RASAL2: variants seen among roughly 807,000 people sequenced by gnomAD.
The protein encoded by RASAL2 is ras GTPase-activating protein nGAP.
RASAL2 carries 58 observed loss-of-function variants against 128.9 expected under a neutral mutation model. That is an observed-to-expected ratio of 0.45 (90% CI 0.36 to 0.56). The LOEUF is 0.56. Ranked by LOEUF, RASAL2 falls within the 20% of genes least tolerant of loss-of-function variation. RASAL2 has a pLI of 0.00. For synonymous variants in RASAL2, 561 were observed against 580.8 expected (o/e 0.97, Z 0.49); for missense variants, 1,360 against 1,601.6 (o/e 0.85, Z 2.57).
chr1:178,257,317 C>T (rs955651463), intron 1 of RASAL2, among the ~76,000 whole-genome samples: 2 of 151,882 alleles, frequency 1.3e-5, no homozygotes, highest in Non-Finnish European at 2.9e-5. Flanking sequence ...CCAGAATAGC[C>T]ACAACAATCA....
chr1:178,219,396 C>G (rs1394688038), intron 1 of RASAL2, among the ~76,000 whole-genome samples: 2 of 151,866 alleles, frequency 1.3e-5, no homozygotes, highest in Admixed American at 1.3e-4. Flanking sequence ...ACCTGTAATC[C>G]CAGCACTTTG....
At chr1:178,419,257 T>G (rs1674976147) in intron 4 of RASAL2, among the ~76,000 whole-genome samples, 1 of 152,150 alleles carries the variant, frequency 6.6e-6, no homozygotes, top group African/African-American at 2.4e-5. Context: ...AATCTTTGCT[T>G]GAAAAATTTT....
chr1:178,371,821 T>C lies in RASAL2; in HGVS notation c.458-18279T>C, dbSNP rs76641067. Among the ~76,000 whole-genome samples, 824 of 152,360 alleles carry C rather than the reference T, an allele frequency of 5.4e-3. 5 individuals are homozygous for C. Among genetic ancestry groups the C allele is most frequent in the Non-Finnish European group, 8.6e-3 (588 of 68,024 alleles). The stretch of plus-strand genomic sequence containing the variant: ...TTACTTAACTGATTAGCTATTGTGC[T>C]GTCTGGTTATCTAAGCTGCTTCCAG... On this transcript the variant is annotated intron_variant, in intron 3 of 17. Transcript: ENST00000367649.
At chr1:178,230,484 A>C (rs1004707380) in intron 1 of RASAL2, among the ~76,000 whole-genome samples, 1 of 152,164 alleles carries the variant, frequency 6.6e-6, no homozygotes, top group African/African-American at 2.4e-5. Flanking sequence ...AGTGTGAGCC[A>C]TTCTAGTGGA....
chr1:178,470,963 T>C (rs1648208412), intron 17 of RASAL2, among the ~76,000 whole-genome samples: 2 of 152,218 alleles, frequency 1.3e-5, no homozygotes, highest in Non-Finnish European at 1.5e-5. Flanking sequence ...TGTTTTATTT[T>C]GAGAGGTTGG....
intron 3 of RASAL2, chr1:178,372,111 C>T: frequency 1.1e-6 from 1 of 943,386 alleles, no homozygotes; most frequent in Non-Finnish European, 1.3e-6. Flanking sequence ...ATCACATTTT[C>T]TCTTTCATCA....
rs757907026 is a variant in RASAL2, at chr1:178,476,426, G to C, written c.*3187G>C. ...ATGTCAGAGGGGAGATTATAACTAG[G>C]TAACTATAACAAGCACTTGAGCACT... On this transcript the variant is annotated 3_prime_UTR_variant, in exon 18 of 18. Coordinates refer to ENST00000367649, the MANE Select transcript of RASAL2 (RefSeq NM_170692.4). The C allele has an allele frequency of 6.6e-6, 1 of 152,170 alleles. No individual in the cohort carries two copies. The highest frequency in any genetic ancestry group is 1.5e-5 in the Non-Finnish European group (1 of 68,050). 9.4% of individuals were successfully genotyped at this position (152,170 alleles called of 1,614,324 possible).
chr1:178,455,504 T>G (rs1677708138), intron 12 of RASAL2, among the ~76,000 whole-genome samples: 1 of 152,224 alleles, frequency 6.6e-6, no homozygotes, highest in African/African-American at 2.4e-5. Context: ...ATAAAACCTA[T>G]TAACAAAGAC....
chr1:178,239,251 A>G (rs952254177), intron 1 of RASAL2, among the ~76,000 whole-genome samples: 3 of 151,984 alleles, frequency 2.0e-5, no homozygotes, highest in Non-Finnish European at 4.4e-5. Context: ...ACTAAAGAGT[A>G]TTTTGAAAGC....
At chr1:178,177,143 A>T (rs2862317) in intron 1 of RASAL2, among the ~76,000 whole-genome samples, 35,637 of 152,072 alleles carry the variant, frequency 0.23, 4,903 homozygotes, top group African/African-American at 0.38. Context: ...CTGCCTGAGA[A>T]TTAAAATTGC....
chr1:178,155,214 C>T (rs1269002659), intron 1 of RASAL2, among the ~76,000 whole-genome samples: 1 of 152,042 alleles, frequency 6.6e-6, no homozygotes, highest in Non-Finnish European at 1.5e-5. Flanking sequence ...TCTTCTATTG[C>T]CCCAGGGGTT....
chr1:178,413,539 A>C (rs1272790983), intron 4 of RASAL2, among the ~76,000 whole-genome samples: 3 of 152,200 alleles, frequency 2.0e-5, no homozygotes, highest in Non-Finnish European at 4.4e-5. Context: ...CTCACCTGGT[A>C]CCTAGTTTTA....
At chr1:178,464,839 T>TTG in intron 15 of RASAL2, among the ~76,000 whole-genome samples, 1 of 143,550 alleles carries the variant, frequency 7.0e-6, no homozygotes, top group African/African-American at 2.6e-5. Flanking sequence ...TTGTTTTTTT[T>TTG]TTTTTTTTTT....
chr1:178,107,891 C>T (rs1013611289), intron 1 of RASAL2, among the ~76,000 whole-genome samples: 1 of 152,070 alleles, frequency 6.6e-6, no homozygotes, highest in Non-Finnish European at 1.5e-5. Flanking sequence ...CACATTTTGT[C>T]TGTTTTGAAT....
At chr1:178,301,922 G>T (rs1667785588) in intron 3 of RASAL2, among the ~76,000 whole-genome samples, 1 of 152,078 alleles carries the variant, frequency 6.6e-6, no homozygotes, top group Non-Finnish European at 1.5e-5. Flanking sequence ...CAAACTAAAG[G>T]TGACAAAAGT....
At chr1:178,121,501 T>A (rs988180098) in intron 1 of RASAL2, among the ~76,000 whole-genome samples, 1 of 152,110 alleles carries the variant, frequency 6.6e-6, no homozygotes, top group African/African-American at 2.4e-5. Flanking sequence ...TTTCTTTTTT[T>A]TTTTGGGATG....
At chr1:178,373,642 A>T (rs189082661) in intron 3 of RASAL2, among the ~76,000 whole-genome samples, 2 of 152,098 alleles carry the variant, frequency 1.3e-5, no homozygotes, top group East Asian at 3.9e-4. Flanking sequence ...TATGAATTCT[A>T]ATTATCTAGC....
intron 1 of RASAL2, among the ~76,000 whole-genome samples, chr1:178,207,839 A>G (rs868862393): frequency 1.3e-5 from 2 of 152,160 alleles, no homozygotes; most frequent in Non-Finnish European, 2.9e-5. Context: ...GAACTCTTAT[A>G]CCACACAGTT....
At chr1:178,458,710 G>A (rs936437046) in intron 14 of RASAL2, among the ~76,000 whole-genome samples, 166 bp downstream of exon 14, 6 of 152,174 alleles carry the variant, frequency 3.9e-5, no homozygotes. Flanking sequence ...CTGCCCAGGT[G>A]TGACTACAGA....
Sources: gnomAD v4.1 joint callset for allele counts (sites outside exome capture counted in the v4.1 genomes callset) on GRCh38, gnomAD v4.1.1 for gene constraint, MANE v1.5 for transcripts, NCBI Gene and HGNC (gene_info 2026-07-23, HGNC 2026-07-21) for gene names.